The following CCDC171 variants were observed in gnomAD, a reference collection of about 807,000 sequenced individuals.
The protein encoded by CCDC171 is coiled-coil domain-containing protein 171.
Under a neutral mutation model 168.2 loss-of-function variants are expected in CCDC171, and 177 were observed. The observed-to-expected ratio is 1.05, with a 90% CI of 0.93 to 1.19. The LOEUF is 1.19. Ranked by LOEUF, CCDC171 falls within the 50% of genes most tolerant of loss-of-function variation. The probability of loss-of-function intolerance (pLI) is 0.00; values close to 1 mark genes in which losing one functional copy is unlikely to be tolerated. For synonymous variants in CCDC171, 687 were observed against 540.8 expected, an observed-to-expected ratio of 1.27 and a Z score of -3.75; for missense variants, 1,991 against 1,539.0, an observed-to-expected ratio of 1.29 and a Z score of -4.91.
intron 24 of CCDC171, among the ~76,000 whole-genome samples, chr9:15,902,973 C>T (rs981853610): frequency 2.6e-5 from 4 of 152,316 alleles, no homozygotes; most frequent in South Asian, 2.1e-4. Context: ...AAGGCGGCAG[C>T]GAGCTGGGGG....
intron 5 of CCDC171, among the ~76,000 whole-genome samples, chr9:15,593,095 G>C (rs1185398728): frequency 7.9e-5 from 12 of 151,928 alleles, no homozygotes; most frequent in Admixed American, 7.2e-4. Context: ...CCTTGGGACA[G>C]TTTGGAGTTG....
At chr9:16,090,622 C>G in the CCDC171 span, among the ~76,000 whole-genome samples, 10 of 152,250 alleles carry the variant, frequency 6.6e-5, no homozygotes, top group Middle Eastern at 3.4e-3. Context: ...GAGAAGGAAA[C>G]CAATGGTGGC....
chr9:16,041,422 T>C (rs1030227902), upstream of CCDC171, among the ~76,000 whole-genome samples: 1 of 152,018 alleles, frequency 6.6e-6, no homozygotes, highest in Non-Finnish European at 1.5e-5. Flanking sequence ...GAAGTTTAGG[T>C]GGGAAAGATA....
rs765185842 is a variant in CCDC171, at chr9:15,578,873, G to T, written c.202G>T (p.Ala68Ser). Residue 68 changes from alanine (A) to serine (S), a missense_variant, in exon 4 of 26, where the codon GCC (alanine) becomes TCC (serine). By Grantham distance (99) the Ala-to-Ser change is moderately conservative (BLOSUM62 1). Transcript: ENST00000380701. ...GCTGGCAAGCTATGAGAGCCAGATT[G>T]CCAAGCTACGGTCCGAGGTTGAAAA... ...AELASYESQI[A>S]KLRSEVEKGE... The T allele has an allele frequency of 1.9e-6, 3 of 1,613,360 alleles. No homozygotes were observed. Among genetic ancestry groups the T allele is most frequent in the Non-Finnish European group, 2.5e-6 (3 of 1,179,684 alleles).
rs761567832 is a variant in CCDC171, at chr9:15,705,037, G to A, written c.1318+9700G>A. 4.2e-4 allele frequency among the ~76,000 whole-genome samples: 63 copies of A among 151,358 alleles called. 1 individual carries two copies. Among genetic ancestry groups the A allele is most frequent in the Non-Finnish European group, 1.0e-4 (7 of 67,930 alleles). On this transcript the variant is annotated intron_variant, in intron 11 of 25. Coordinates refer to ENST00000380701, the MANE Select transcript of CCDC171 (RefSeq NM_173550.4). ...CAACATGGTGACAATAGTTAATAAT[G>A]CTGAAATAATACTGTTTACTTGAAA...
the CCDC171 span, among the ~76,000 whole-genome samples, chr9:16,088,289 A>T: frequency 4.6e-5 from 7 of 152,216 alleles, no homozygotes; most frequent in Admixed American, 1.3e-4. Context: ...AAAAGCTGTA[A>T]ATTTTGCCTT....
At chr9:15,662,736 G>T (rs2048409792) in intron 8 of CCDC171, among the ~76,000 whole-genome samples, 1 of 152,072 alleles carries the variant, frequency 6.6e-6, no homozygotes, top group East Asian at 1.9e-4. Context: ...AGCACTTTGG[G>T]AGGCTGAGGT....
intron 3 of CCDC171, among the ~76,000 whole-genome samples, chr9:15,984,969 A>G (rs551130135): frequency 6.6e-6 from 1 of 152,322 alleles, no homozygotes; most frequent in African/African-American, 2.4e-5. Context: ...ATATTTATAC[A>G]TAATATAAAT....
At chr9:15,999,616 G>A (rs1832481427) in intron 3 of CCDC171, among the ~76,000 whole-genome samples, 1 of 152,186 alleles carries the variant, frequency 6.6e-6, no homozygotes, top group Non-Finnish European at 1.5e-5. Flanking sequence ...GTACCAGAAA[G>A]CATCCAGCTG....
chr9:15,631,787 C>T (rs914178286), intron 7 of CCDC171, among the ~76,000 whole-genome samples: 1 of 152,198 alleles, frequency 6.6e-6, no homozygotes, highest in Non-Finnish European at 1.5e-5. Context: ...TACTGGCAAA[C>T]TGAATCCAGC....
chr9:15,716,083 T>A (rs2053064338), intron 11 of CCDC171, among the ~76,000 whole-genome samples: 1 of 152,168 alleles, frequency 6.6e-6, no homozygotes. Flanking sequence ...AAATTCACCA[T>A]CACATCCCCT....
intron 21 of CCDC171, among the ~76,000 whole-genome samples, chr9:15,806,221 T>A (rs2059070007): frequency 6.6e-6 from 1 of 152,176 alleles, no homozygotes; most frequent in Non-Finnish European, 1.5e-5. Context: ...TTGGGGCATT[T>A]AGCCCATTTA....
the CCDC171 span, among the ~76,000 whole-genome samples, chr9:16,097,218 G>C: frequency 2.0e-5 from 3 of 151,282 alleles, no homozygotes; most frequent in Non-Finnish European, 4.4e-5. Context: ...AGTCCGAACA[G>C]ATGAGATAGA....
At chr9:15,721,567 C>G (rs568851532) in intron 11 of CCDC171, among the ~76,000 whole-genome samples, 13 of 147,916 alleles carry the variant, frequency 8.8e-5, no homozygotes, top group African/African-American at 3.2e-4. Context: ...ACTATTAATA[C>G]TTGGCCATAC....
At chr9:15,727,786 A>C in intron 14 of CCDC171, 83 bp from the exon 15 acceptor site, 2 of 1,028,916 alleles carry the variant, frequency 1.9e-6, no homozygotes, top group African/African-American at 1.6e-5. Context: ...TTTTTAAATT[A>C]ACTCTTCACC....
chr9:15,873,650 C>A (rs866903796), intron 23 of CCDC171, among the ~76,000 whole-genome samples: 3 of 151,894 alleles, frequency 2.0e-5, no homozygotes, highest in Non-Finnish European at 4.4e-5. Context: ...TAAATGCAAA[C>A]GAAACTATGG....
intron 10 of CCDC171, among the ~76,000 whole-genome samples, chr9:15,685,285 A>G (rs530002801): frequency 2.0e-5 from 3 of 152,146 alleles, no homozygotes; most frequent in Non-Finnish European, 4.4e-5. Context: ...AATTCCTTGT[A>G]TATTAAAAGG....
intron 24 of CCDC171, among the ~76,000 whole-genome samples, chr9:15,916,418 G>A (rs945053633): frequency 7.3e-6 from 1 of 136,652 alleles, no homozygotes; most frequent in African/African-American, 2.6e-5. Context: ...ATTTACGTAA[G>A]ATATAGAAAT....
At chr9:16,060,163 G>T (rs1368924007) in intron 1 of CCDC171, among the ~76,000 whole-genome samples, 1 of 152,184 alleles carries the variant, frequency 6.6e-6, no homozygotes, top group Non-Finnish European at 1.5e-5. Context: ...AAGGCTAGTG[G>T]CTGGACCTGC....
Sources: allele counts gnomAD v4.1 joint callset (sites outside exome capture counted in the v4.1 genomes callset), GRCh38; gene constraint gnomAD v4.1.1; transcripts MANE v1.5; gene names NCBI Gene and HGNC (gene_info 2026-07-23, HGNC 2026-07-21).